Variants in RTRAF observed in about 807,000 individuals in gnomAD.
The protein encoded by RTRAF is tRNA-splicing ligase complex subunit RTRAF.
Under a neutral mutation model 34.4 loss-of-function variants are expected in RTRAF, and 14 were observed. The observed-to-expected ratio is 0.41, with a 90% confidence interval of 0.27 to 0.64. RTRAF has a LOEUF of 0.64. Ranked by LOEUF, RTRAF falls within the 30% of genes least tolerant of loss-of-function variation. The probability of loss-of-function intolerance (pLI) is 0.34; values close to 1 mark genes in which losing one functional copy is unlikely to be tolerated. For synonymous variants in RTRAF, 96 were observed against 95.3 expected (o/e 1.01, Z -0.04); for missense variants, 291 against 288.4 (o/e 1.01, Z -0.06).
chr14:52,005,578 G>A lies in RTRAF; in HGVS notation c.*1062G>A, dbSNP rs535425656. On this transcript the variant is annotated 3_prime_UTR_variant, in exon 8 of 8. Coordinates refer to ENST00000261700, the MANE Select transcript of RTRAF (RefSeq NM_016039.3). ...TTGCAACAGCAAGTCTTTGCATTTT[G>A]TGTATAAACTAGGTAGATTTAAGGT... 2.0e-6 allele frequency: 3 copies of A among 1,514,616 alleles called. No individual in the cohort carries two copies. The highest frequency in any genetic ancestry group is 2.8e-5 in the African/African-American group (2 of 72,560). 93.8% of individuals were successfully genotyped at this position (1,514,616 alleles called of 1,614,324 possible).
intron 2 of RTRAF, among the ~76,000 whole-genome samples, chr14:51,992,089 T>A (rs1037331821): frequency 1.3e-5 from 2 of 152,216 alleles, no homozygotes; most frequent in Non-Finnish European, 2.9e-5. Flanking sequence ...TATCCCTTGT[T>A]GTATGCTAGG....
Position 52,006,453 on chromosome 14 carries a change from A to G in RTRAF, c.*1937A>G, listed in dbSNP as rs1050065246. 2.0e-6 allele frequency: 3 copies of G among 1,527,348 alleles called. No individual in the cohort carries two copies. In the African/African-American group the frequency reaches 4.1e-5, roughly 21 times the overall value. The allele number at this position is 1,527,348 out of a possible 1,614,324, so 94.6% of individuals were successfully genotyped here. On this transcript the variant is annotated 3_prime_UTR_variant, in exon 8 of 8. Transcript: ENST00000261700. ...CTCAGAGGGCTTAATGAGTCAAGTC[A>G]GGTACTGACTTTTGGTAAAACAAGT...
At chr14:51,992,675 G>T (rs183584034) in intron 2 of RTRAF, among the ~76,000 whole-genome samples, 183 of 151,974 alleles carry the variant, frequency 1.2e-3, no homozygotes, top group African/African-American at 4.2e-3. Context: ...ACATTTTATG[G>T]TCTATTCATG....
chr14:52,006,139 A>G lies in RTRAF; in HGVS notation c.*1623A>G. The G allele has an allele frequency of 2.3e-6, 1 of 435,742 alleles. No homozygotes were observed. The highest frequency in any genetic ancestry group is 4.2e-6 in the Non-Finnish European group (1 of 235,786). The allele number at this position is 435,742 out of a possible 1,614,324, so 27.0% of individuals were successfully genotyped here. ...GTTCCTCATTTGAGAACTAGTCTAA[A>G]TAGTATTTTTCGGTCCCTCAGACAA... On this transcript the variant is annotated 3_prime_UTR_variant, in exon 8 of 8. Coordinates refer to ENST00000261700, the MANE Select transcript of RTRAF (RefSeq NM_016039.3).
At position 52,005,808 on chromosome 14, in the gene RTRAF, G is replaced by GT; in HGVS notation, c.*1293dup. ...TCGTTGTTCTGGGAGATACTCATCA[G>GT]TAAACTGGCCACTATGTTTATTTAC... On this transcript the variant is annotated 3_prime_UTR_variant, in exon 8 of 8. Coordinates refer to ENST00000261700, the MANE Select transcript of RTRAF (RefSeq NM_016039.3). 1 of 1,613,812 alleles carries GT rather than the reference G, an allele frequency of 6.2e-7. No individual in the cohort carries two copies. Among genetic ancestry groups the GT allele is most frequent in the Non-Finnish European group, 8.5e-7 (1 of 1,179,706 alleles).
chr14:51,992,614 A>G (rs1248980765), intron 2 of RTRAF, among the ~76,000 whole-genome samples: 10 of 152,166 alleles, frequency 6.6e-5, no homozygotes, highest in Admixed American at 6.5e-4. Flanking sequence ...TTTTCAGTGG[A>G]CTTCTTAAAA....
intron 3 of RTRAF, among the ~76,000 whole-genome samples, chr14:51,996,228 T>A (rs1370749822): frequency 6.6e-6 from 1 of 152,174 alleles, no homozygotes; most frequent in African/African-American, 2.4e-5. Flanking sequence ...ATCAAAAGTA[T>A]ATTAAAAGTC....
At position 52,005,905 on chromosome 14, in the gene RTRAF, TC is replaced by T; in HGVS notation, c.*1390del. 1 of 705,322 alleles carries T rather than the reference TC, an allele frequency of 1.4e-6. No individual in the cohort carries two copies. Among genetic ancestry groups the T allele is most frequent in the Non-Finnish European group, 1.9e-6 (1 of 540,228 alleles). 43.7% of individuals were successfully genotyped at this position (705,322 alleles called of 1,614,324 possible). ...GACAGTCATTTACTAGATAAAGAAG[TC>T]AGTCAGCCACAGAAAATCAGTTGCA... On this transcript the variant is annotated 3_prime_UTR_variant, in exon 8 of 8. Transcript: ENST00000261700.
rs758580985 is a variant in RTRAF at position 52,001,843 on chromosome 14, G to A, written c.508G>A (p.Ala170Thr). ...VQERLTQDAV[A>T]KANQTKEGLP... ...GGAGCGCCTGACACAGGATGCAGTT[G>A]CTAAGGCAAATCAAACAAAAGAGGT... The change falls in exon 6 of 8, where the codon GCT becomes ACT. Residue 170 changes from alanine to threonine, a missense_variant. Coordinates refer to ENST00000261700, the MANE Select transcript of RTRAF (RefSeq NM_016039.3). 6 of 1,609,194 alleles carry A rather than the reference G, an allele frequency of 3.7e-6. No individual in the cohort carries two copies. Among genetic ancestry groups the A allele is most frequent in the Non-Finnish European group, 4.2e-6 (5 of 1,178,750 alleles).
chr14:52,008,244 G>T lies in RTRAF; in HGVS notation c.*3728G>T. ...AGGGAAGCTGGATGCCATGTTGCAA[G>T]CTACCCTGTAAAGGGGAACATGTGC... On this transcript the variant is annotated 3_prime_UTR_variant, in exon 8 of 8. Transcript: ENST00000261700. 3.2e-6 allele frequency: 1 copy of T among 311,240 alleles called. No homozygotes were observed. 19.3% of individuals were successfully genotyped at this position (311,240 alleles called of 1,614,324 possible).
rs140676356 is a variant in RTRAF, at chr14:52,008,163, A to G, written c.*3647A>G. ...CAGAAGTGATAGGCTATCACTGCCGATATTCGGTCTCAAAAAACTGGTTTC... is the reference window on the plus strand; with the variant it reads ...CAGAAGTGATAGGCTATCACTGCCGGTATTCGGTCTCAAAAAACTGGTTTC... On this transcript the variant is annotated 3_prime_UTR_variant, in exon 8 of 8. Coordinates refer to ENST00000261700, the MANE Select transcript of RTRAF (RefSeq NM_016039.3). The G allele has an allele frequency of 2.1e-6, 1 of 466,460 alleles. No homozygotes were observed. Among genetic ancestry groups the G allele is most frequent in the Admixed American group, 4.0e-5 (1 of 24,860 alleles). 28.9% of individuals were successfully genotyped at this position (466,460 alleles called of 1,614,324 possible). A position where few individuals can be genotyped will look rare whatever the true frequency, so the allele number is the denominator to read the frequency against.
rs775945714 is a variant in RTRAF at position 51,999,765 on chromosome 14, A to T, written c.431A>T (p.Gln144Leu). Residue 144 changes from glutamine to leucine, a missense_variant, in exon 5 of 8, where the codon CAG becomes CTG. Transcript: ENST00000261700. ...GCTTTGGCTAACCTGCTTCAGATTC[A>T]GCGTCATGATGATTACCTGGTAATG... ...VMALANLLQI[Q>L]RHDDYLVMLK... 10 of 1,610,562 alleles carry T rather than the reference A, an allele frequency of 6.2e-6. No homozygotes were observed. The highest frequency in any genetic ancestry group is 8.5e-6 in the Non-Finnish European group (10 of 1,177,542).
intron 6 of RTRAF, among the ~76,000 whole-genome samples, chr14:52,002,582 A>G (rs988377098): frequency 1.3e-5 from 2 of 152,204 alleles, no homozygotes; most frequent in Non-Finnish European, 2.9e-5. Context: ...CCCCTTAAAG[A>G]GAAAATATGG....
chr14:52,006,925 A>G lies in RTRAF; in HGVS notation c.*2409A>G. On this transcript the variant is annotated 3_prime_UTR_variant, in exon 8 of 8. Transcript: ENST00000261700. ...CTGCCAAAGTAGGGCATTAAACATA[A>G]TTATTTTTATAATTTGTGTGATTTC... The G allele has an allele frequency of 3.9e-6, 1 of 258,988 alleles. No homozygotes were observed. The highest frequency in any genetic ancestry group is 7.5e-6 in the Non-Finnish European group (1 of 132,624). 16.0% of individuals were successfully genotyped at this position (258,988 alleles called of 1,614,324 possible). A position where few individuals can be genotyped will look rare whatever the true frequency, so the allele number is the denominator to read the frequency against.
In RTRAF at chr14:52,005,194, C is replaced by A. The variant is rs1890713494; in HGVS notation, c.*678C>A. The A allele has an allele frequency of 1.0e-5, 3 of 287,088 alleles. No homozygotes were observed. Among genetic ancestry groups the A allele is most frequent in the Non-Finnish European group, 1.9e-5 (3 of 155,496 alleles). 17.8% of individuals were successfully genotyped at this position (287,088 alleles called of 1,614,324 possible). The stretch of plus-strand genomic sequence containing the variant: ...TAATTCTTAGTTGAATGAATTTGAT[C>A]TTTTAAATATTAATGATAAATGTTT... On this transcript the variant is annotated 3_prime_UTR_variant, in exon 8 of 8. Transcript: ENST00000261700.
In RTRAF at chr14:51,993,776, T is replaced by C; in HGVS notation, c.240T>C (p.Ile80=). The change falls in exon 3 of 8, where the codon ATT becomes ATC. Residue 80 remains isoleucine, a synonymous_variant. Transcript: ENST00000261700. The part of the protein sequence containing the change: ...PFKIQDRQEA[I]DWLLGLAVRL... Reference sequence around the variant, plus strand: ...AGATTCAAGATCGACAAGAAGCTATTGACTGGCTTCTTGGTTTAGCTGTTA... The same window carrying C: ...AGATTCAAGATCGACAAGAAGCTATCGACTGGCTTCTTGGTTTAGCTGTTA... The C allele has an allele frequency of 6.2e-7, 1 of 1,605,608 alleles. No homozygotes were observed.
At position 52,007,789 on chromosome 14, in the gene RTRAF, G is replaced by C; in HGVS notation, c.*3273G>C. 6.2e-7 allele frequency: 1 copy of C among 1,603,978 alleles called. No homozygotes were observed. Among genetic ancestry groups the C allele is most frequent in the Non-Finnish European group, 8.5e-7 (1 of 1,173,122 alleles). On this transcript the variant is annotated 3_prime_UTR_variant, in exon 8 of 8. Coordinates refer to ENST00000261700, the MANE Select transcript of RTRAF (RefSeq NM_016039.3). ...CACTGTGATGAGAGGTTATCTATTT[G>C]CATTCCATCAGTAGTATTACCTGCA...
chr14:52,004,308 G>C, intron 7 of RTRAF, 54 bp from the exon 8 acceptor site: 1 of 1,290,070 alleles, frequency 7.8e-7, no homozygotes, highest in South Asian at 1.3e-5. Flanking sequence ...GGAAATAAAT[G>C]GCCTTAAATG....
Position 52,008,039 on chromosome 14 carries a change from C to A in RTRAF, c.*3523C>A. On this transcript the variant is annotated 3_prime_UTR_variant, in exon 8 of 8. Transcript: ENST00000261700. ...TGGTAGGCAGCATCTAAGCAGCCCC[C>A]AGTGATCTCCATCTCCTCATGTATT... is the stretch of plus-strand genomic sequence containing the variant. 2 of 1,221,150 alleles carry A rather than the reference C, an allele frequency of 1.6e-6. No individual in the cohort carries two copies. Among genetic ancestry groups the A allele is most frequent in the East Asian group, 2.4e-5 (1 of 42,076 alleles). 75.6% of individuals were successfully genotyped at this position (1,221,150 alleles called of 1,614,324 possible). A position where few individuals can be genotyped will look rare whatever the true frequency, so the allele number is the denominator to read the frequency against.
Sources: gnomAD v4.1 joint callset for allele counts (sites outside exome capture counted in the v4.1 genomes callset) on GRCh38, gnomAD v4.1.1 for gene constraint, MANE v1.5 for transcripts, NCBI Gene and HGNC (gene_info 2026-07-23, HGNC 2026-07-21) for gene names.